AGMO: variants seen among roughly 807,000 people sequenced by gnomAD.
AGMO encodes glyceryl-ether monooxygenase.
Under a neutral mutation model 60.2 loss-of-function variants are expected in AGMO, and 75 were observed. That is an observed-to-expected ratio of 1.25 (90% CI 1.03 to 1.51). AGMO has a LOEUF of 1.51. Ranked by LOEUF, AGMO falls within the 40% of genes most tolerant of loss-of-function variation. The pLI, the probability that AGMO is intolerant of heterozygous loss-of-function variation, is 0.00. For synonymous variants in AGMO, 261 were observed against 177.1 expected (o/e 1.47, Z -3.76); for missense variants, 763 against 525.5 (o/e 1.45, Z -4.42).
chr7:15,332,695 C>G (rs911788329), intron 12 of AGMO, among the ~76,000 whole-genome samples: 4 of 151,884 alleles, frequency 2.6e-5, no homozygotes, highest in Admixed American at 1.3e-4. Flanking sequence ...GCGAGAGACC[C>G]ATGAATGTAC....
the AGMO span, among the ~76,000 whole-genome samples, chr7:15,162,930 T>C: frequency 6.6e-6 from 1 of 152,128 alleles, no homozygotes; most frequent in Non-Finnish European, 1.5e-5. Flanking sequence ...TTTAACTATG[T>C]TGACTCTTGT....
intron 12 of AGMO, among the ~76,000 whole-genome samples, chr7:15,202,443 C>T (rs1781315833): frequency 1.8e-5 from 1 of 54,720 alleles, no homozygotes; most frequent in African/African-American, 6.5e-5. Flanking sequence ...CACCAACAAC[C>T]AAAATACAAA....
chr7:15,209,438 A>AT (rs1781524963), intron 12 of AGMO, among the ~76,000 whole-genome samples: 1 of 152,182 alleles, frequency 6.6e-6, no homozygotes, highest in Non-Finnish European at 1.5e-5. Flanking sequence ...AATCACAGAG[A>AT]TGTCTGGTTT....
chr7:15,422,445 G>A (rs1215492885), intron 4 of AGMO, among the ~76,000 whole-genome samples: 1 of 152,126 alleles, frequency 6.6e-6, no homozygotes, highest in Non-Finnish European at 1.5e-5. Context: ...CAACGGAAGA[G>A]AGGTGAACAT....
chr7:15,345,973 CTT>C (rs917132123), intron 12 of AGMO, among the ~76,000 whole-genome samples: 2 of 152,002 alleles, frequency 1.3e-5, no homozygotes, highest in African/African-American at 4.8e-5. Context: ...TATATTAACT[CTT>C]ATTAAAAACG....
At chr7:15,156,672 C>T in the AGMO span, among the ~76,000 whole-genome samples, 9 of 152,330 alleles carry the variant, frequency 5.9e-5, no homozygotes, top group South Asian at 1.9e-3. Flanking sequence ...AGGAACAAGT[C>T]TTCATGCTCG....
the AGMO span, among the ~76,000 whole-genome samples, chr7:15,183,461 G>A: frequency 6.6e-6 from 1 of 152,136 alleles, no homozygotes; most frequent in African/African-American, 2.4e-5. Context: ...ATGAACCACT[G>A]TTCTTGAAAA....
chr7:15,291,996 G>C (rs139912531), intron 12 of AGMO, among the ~76,000 whole-genome samples: 1,898 of 152,188 alleles, frequency 0.012, 51 homozygotes, highest in African/African-American at 0.043. Flanking sequence ...GAAGACTCAA[G>C]TAAGCCAATA....
intron 3 of AGMO, among the ~76,000 whole-genome samples, chr7:15,489,398 A>G (rs2128520297): frequency 6.6e-6 from 1 of 152,302 alleles, no homozygotes; most frequent in African/African-American, 2.4e-5. Flanking sequence ...GAAGCTGTGC[A>G]GTGCAGTCTT....
chr7:15,223,768 ATTT>A (rs1029227001), intron 12 of AGMO, among the ~76,000 whole-genome samples: 1 of 151,614 alleles, frequency 6.6e-6, no homozygotes, highest in African/African-American at 2.4e-5. Flanking sequence ...TCCATTTAAA[ATTT>A]ATTATACACT....
chr7:15,261,072 C>CTT lies in AGMO; in HGVS notation c.1264-59714_1264-59713insAA, dbSNP rs1783255881. Among the ~76,000 whole-genome samples, 7 of 152,024 alleles carry CTT rather than the reference C, an allele frequency of 4.6e-5. No homozygotes were observed. In the South Asian group the frequency reaches 1.5e-3, roughly 32 times the overall value. ...ACCTACATCAAAAAGTCTGAATGAGCATAAATAGACAATCTAAAGTCACAC... is the reference window on the plus strand; with the variant it reads ...ACCTACATCAAAAAGTCTGAATGAGCTTATAAATAGACAATCTAAAGTCACAC... On this transcript the variant is annotated intron_variant, in intron 12 of 12. Transcript: ENST00000342526.
chr7:15,198,253 G>GAGAC (rs1391521050), downstream of AGMO, among the ~76,000 whole-genome samples: 6 of 63,452 alleles, frequency 9.5e-5, no homozygotes, highest in South Asian at 2.7e-3. Flanking sequence ...GAGAGAGAGA[G>GAGAC]AGACAGAGAC....
intron 12 of AGMO, among the ~76,000 whole-genome samples, chr7:15,266,767 C>T (rs145893854): frequency 0.012 from 1,831 of 151,702 alleles, 51 homozygotes; most frequent in African/African-American, 0.042. Flanking sequence ...ATATTTGCCT[C>T]ACTTATGTTT....
At chr7:15,133,050 A>G in the AGMO span, among the ~76,000 whole-genome samples, 1 of 152,214 alleles carries the variant, frequency 6.6e-6, no homozygotes, top group Non-Finnish European at 1.5e-5. Context: ...TAGATATGGT[A>G]AGCAATTACA....
At chr7:15,519,837 C>T (rs143245862) in intron 3 of AGMO, among the ~76,000 whole-genome samples, 4,740 of 151,872 alleles carry the variant, frequency 0.031, 259 homozygotes, top group African/African-American at 0.11. Flanking sequence ...GGAACAAATG[C>T]CCCAATTAAA....
chr7:15,427,012 C>T (rs138950185), intron 4 of AGMO, among the ~76,000 whole-genome samples: 123 of 152,164 alleles, frequency 8.1e-4, no homozygotes, highest in Non-Finnish European at 1.4e-3. Flanking sequence ...GCAGAGTTAG[C>T]TTCATTCGAA....
At chr7:15,179,960 T>C in the AGMO span, among the ~76,000 whole-genome samples, 1 of 152,158 alleles carries the variant, frequency 6.6e-6, no homozygotes, top group African/African-American at 2.4e-5. Flanking sequence ...AATCCCAAGA[T>C]GGCTCTGAGT....
chr7:15,383,993 T>A (rs748618913), intron 10 of AGMO, among the ~76,000 whole-genome samples: 1 of 152,140 alleles, frequency 6.6e-6, no homozygotes, highest in Non-Finnish European at 1.5e-5. Flanking sequence ...TGGAGTGCAG[T>A]GGCGCGATCT....
chr7:15,561,315 T>C (rs972673573), intron 1 of AGMO, among the ~76,000 whole-genome samples: 2 of 152,182 alleles, frequency 1.3e-5, no homozygotes, highest in African/African-American at 4.8e-5. Flanking sequence ...TGAACTACTC[T>C]ACCAAATGAA....
Sources: allele counts gnomAD v4.1 joint callset (sites outside exome capture counted in the v4.1 genomes callset), GRCh38; gene constraint gnomAD v4.1.1; transcripts MANE v1.5; gene names NCBI Gene and HGNC (gene_info 2026-07-23, HGNC 2026-07-21).